The following PRKAG2 variants were observed in gnomAD, a reference collection of about 807,000 sequenced individuals.
The protein encoded by PRKAG2 is protein kinase AMP-activated non-catalytic subunit gamma 2, also known as 5'-AMP-activated protein kinase subunit gamma-2.
Under a neutral mutation model 69.6 loss-of-function variants are expected in PRKAG2, and 26 were observed. The observed-to-expected ratio is 0.37, with a 90% CI of 0.27 to 0.52. The LOEUF (loss-of-function observed/expected upper bound fraction) is 0.52, where lower values mean the gene tolerates loss of function less well. Ranked by LOEUF, PRKAG2 falls within the 20% of genes least tolerant of loss-of-function variation. PRKAG2 has a pLI of 0.90. For synonymous variants in PRKAG2, 293 were observed against 285.0 expected (o/e 1.03, Z -0.28); for missense variants, 557 against 740.0 (o/e 0.75, Z 2.87).
At chr7:151,559,905 C>T (rs1804528203) in intron 15 of PRKAG2, 1 of 985,206 alleles carries the variant, frequency 1.0e-6, no homozygotes, top group African/African-American at 1.7e-5. Flanking sequence ...CCTCTTACTA[C>T]TGAGTGTGTG....
At chr7:151,558,123 G>A in intron 15 of PRKAG2, 1 of 985,366 alleles carries the variant, frequency 1.0e-6, no homozygotes, top group Non-Finnish European at 1.2e-6. Flanking sequence ...CCACACACTG[G>A]ATGCACGCAC....
At chr7:151,770,068 C>T (rs1486178489) in intron 3 of PRKAG2, among the ~76,000 whole-genome samples, 1 of 152,168 alleles carries the variant, frequency 6.6e-6, no homozygotes, top group Non-Finnish European at 1.5e-5. Context: ...TGCTAACCAC[C>T]ATTAGGCTTC....
chr7:151,798,641 T>C (rs753042449), intron 1 of PRKAG2, among the ~76,000 whole-genome samples: 7 of 152,158 alleles, frequency 4.6e-5, no homozygotes, highest in Non-Finnish European at 1.0e-4. Flanking sequence ...CCTATTGTGT[T>C]GTGGGTGAAA....
intron 7 of PRKAG2, among the ~76,000 whole-genome samples, chr7:151,575,908 A>AC (rs935860726): frequency 2.0e-4 from 31 of 151,412 alleles, no homozygotes; most frequent in African/African-American, 6.8e-4. Context: ...AAAAAAAAAA[A>AC]AAAAAGAAAA....
chr7:151,723,661 G>T (rs73158191), intron 3 of PRKAG2, among the ~76,000 whole-genome samples: 156 of 152,280 alleles, frequency 1.0e-3, no homozygotes, highest in Non-Finnish European at 1.0e-3. Context: ...CTGGTCAGTG[G>T]CAGTAGGTCC....
intron 1 of PRKAG2, among the ~76,000 whole-genome samples, chr7:151,812,198 C>T (rs371142567): frequency 1.1e-4 from 16 of 152,076 alleles, no homozygotes; most frequent in African/African-American, 3.4e-4. Context: ...TTGAATCTAC[C>T]GACAAGAATT....
At chr7:151,590,763 GAAGT>G (rs1391742658) in intron 6 of PRKAG2, among the ~76,000 whole-genome samples, 1 of 152,262 alleles carries the variant, frequency 6.6e-6, no homozygotes, top group Non-Finnish European at 1.5e-5. Flanking sequence ...AGAAACCGAA[GAAGT>G]ATGTATGGGA....
chr7:151,695,237 C>T (rs1836408842), intron 3 of PRKAG2, among the ~76,000 whole-genome samples: 1 of 152,228 alleles, frequency 6.6e-6, no homozygotes. Flanking sequence ...TCACCTGTTT[C>T]TCTAAGTCAT....
intron 6 of PRKAG2, among the ~76,000 whole-genome samples, chr7:151,579,170 A>C (rs147193248): frequency 6.6e-6 from 1 of 152,208 alleles, no homozygotes; most frequent in East Asian, 1.9e-4. Flanking sequence ...GACCACAGGC[A>C]CATGCCACCA....
intron 3 of PRKAG2, among the ~76,000 whole-genome samples, chr7:151,685,769 A>T (rs1585754481): frequency 8.6e-5 from 1 of 11,648 alleles, no homozygotes; most frequent in Non-Finnish European, 5.7e-4. Context: ...CCTGTCTCTA[A>T]AAAAAAAAAA....
chr7:151,631,899 G>C, intron 5 of PRKAG2, 170 bp downstream of exon 5: 1 of 603,812 alleles, frequency 1.7e-6, no homozygotes, highest in Non-Finnish European at 2.4e-6. Flanking sequence ...GCCCGAGCTC[G>C]CCGGCGCCCG....
At chr7:151,755,490 T>C (rs1327822498) in intron 3 of PRKAG2, among the ~76,000 whole-genome samples, 1 of 151,300 alleles carries the variant, frequency 6.6e-6, no homozygotes, top group African/African-American at 2.4e-5. Flanking sequence ...GGGCTTGGAG[T>C]TTTCATTTAA....
intron 3 of PRKAG2, among the ~76,000 whole-genome samples, chr7:151,678,501 C>G (rs1378521750): frequency 6.6e-6 from 1 of 152,138 alleles, no homozygotes; most frequent in African/African-American, 2.4e-5. Context: ...AGAAGGAGCC[C>G]CCTTTTCCAG....
At chr7:151,720,757 G>A (rs1467365551) in intron 3 of PRKAG2, among the ~76,000 whole-genome samples, 3 of 96,378 alleles carry the variant, frequency 3.1e-5, no homozygotes, top group African/African-American at 1.3e-4. Flanking sequence ...GAAGGGGGCA[G>A]AGGGATGGAA....
At chr7:151,564,406 C>G in intron 13 of PRKAG2, 182 bp from the exon 14 acceptor site, 1 of 604,100 alleles carries the variant, frequency 1.7e-6, no homozygotes, top group Non-Finnish European at 2.9e-6. Context: ...ATTTTGTCAA[C>G]ATATCAATCA....
intron 3 of PRKAG2, among the ~76,000 whole-genome samples, chr7:151,762,850 A>G (rs2075498346): frequency 1.3e-5 from 2 of 152,212 alleles, no homozygotes; most frequent in African/African-American, 2.4e-5. Flanking sequence ...ACATGCCCAC[A>G]GCGCGGCTCC....
At chr7:151,759,720 T>C (rs2151754593) in intron 3 of PRKAG2, among the ~76,000 whole-genome samples, 1 of 152,320 alleles carries the variant, frequency 6.6e-6, no homozygotes, top group East Asian at 1.9e-4. Context: ...TGAGGCTATG[T>C]CACCCCCTAG....
chr7:151,558,353 G>A (rs1804225473), intron 15 of PRKAG2: 1 of 985,390 alleles, frequency 1.0e-6, no homozygotes, highest in East Asian at 1.1e-4. Flanking sequence ...ACCTAACAGT[G>A]CAGGTCCCGG....
chr7:151,773,023 A>AG (rs1436077847), intron 3 of PRKAG2, among the ~76,000 whole-genome samples: 11 of 55,104 alleles, frequency 2.0e-4, no homozygotes, highest in African/African-American at 3.1e-4. Flanking sequence ...GAAAGAAAGA[A>AG]AGAGAGAGAG....
Sources: gnomAD v4.1 joint callset for allele counts (sites outside exome capture counted in the v4.1 genomes callset) on GRCh38, gnomAD v4.1.1 for gene constraint, MANE v1.5 for transcripts, NCBI Gene and HGNC (gene_info 2026-07-23, HGNC 2026-07-21) for gene names.